MYO10: variants seen among roughly 807,000 people sequenced by gnomAD.
The protein encoded by MYO10 is myosin X.
In MYO10, 133 loss-of-function variants were observed where a neutral mutation model predicts 257.3. The ratio of observed to expected loss-of-function variants is 0.52; its 90% CI spans 0.45 to 0.60. The LOEUF is 0.60. MYO10 is among the 20% of genes least tolerant of loss of function. The pLI, the probability that MYO10 is intolerant of heterozygous loss-of-function variation, is 0.00. For synonymous variants in MYO10, 1,104 were observed against 1,028.6 expected, an observed-to-expected ratio of 1.07 and a Z score of -1.40; for missense variants, 2,399 against 2,635.7, an observed-to-expected ratio of 0.91 and a Z score of 1.97.
At chr5:16,685,701 A>AAAACCCC in intron 29 of MYO10, 37 bp downstream of exon 29, 2 of 1,372,154 alleles carry the variant, frequency 1.5e-6, no homozygotes, top group Non-Finnish European at 2.0e-6. Flanking sequence ...CCCTGCCCCT[A>AAAACCCC]GACGCCCCAC....
intron 1 of MYO10, among the ~76,000 whole-genome samples, chr5:16,928,475 G>A (rs1746198999): frequency 6.6e-6 from 1 of 152,090 alleles, no homozygotes; most frequent in Admixed American, 6.5e-5. Flanking sequence ...TTACAGGCAT[G>A]AGCACATGGC....
At chr5:16,677,864 G>A (rs1476979208) in intron 33 of MYO10, among the ~76,000 whole-genome samples, 4 of 147,998 alleles carry the variant, frequency 2.7e-5, no homozygotes, top group Admixed American at 1.3e-4. Context: ...GGGTTCAAGC[G>A]AGTCTTCTGC....
At chr5:16,719,989 C>CGTGCGTGTGTGT (rs1554039262) in intron 19 of MYO10, among the ~76,000 whole-genome samples, 181 of 143,542 alleles carry the variant, frequency 1.3e-3, no homozygotes, top group African/African-American at 4.5e-3. Flanking sequence ...TGTGTGCGTG[C>CGTGCGTGTGTGT]GTGTGTGTGT....
chr5:16,823,993 T>C (rs1210896245), intron 2 of MYO10, among the ~76,000 whole-genome samples: 1 of 152,092 alleles, frequency 6.6e-6, no homozygotes, highest in Non-Finnish European at 1.5e-5. Flanking sequence ...GAGAACAAAC[T>C]GTTCTGTTCT....
At chr5:16,929,596 G>A (rs1385308542) in intron 1 of MYO10, among the ~76,000 whole-genome samples, 1 of 152,114 alleles carries the variant, frequency 6.6e-6, no homozygotes, top group Non-Finnish European at 1.5e-5. Flanking sequence ...TATGGATTGG[G>A]TATAATTATA....
intron 26 of MYO10, among the ~76,000 whole-genome samples, chr5:16,697,393 G>C (rs574200164): frequency 2.4e-4 from 37 of 152,240 alleles, no homozygotes; most frequent in African/African-American, 6.7e-4. Context: ...AAAGAAAGAA[G>C]GGAAAATGGA....
intron 26 of MYO10, among the ~76,000 whole-genome samples, chr5:16,698,625 T>TTTTTTTG (rs1737875382): frequency 1.5e-5 from 2 of 134,478 alleles, no homozygotes; most frequent in African/African-American, 3.1e-5. Context: ...AACATGCAGT[T>TTTTTTTG]TTTTTTTTTT....
chr5:16,721,992 C>T (rs1739170606), intron 19 of MYO10, among the ~76,000 whole-genome samples: 1 of 152,170 alleles, frequency 6.6e-6, no homozygotes, highest in African/African-American at 2.4e-5. Flanking sequence ...CAAATCCTAC[C>T]TTTTAGTCCA....
intron 2 of MYO10, among the ~76,000 whole-genome samples, chr5:16,867,795 T>A (rs1277646297): frequency 6.6e-6 from 1 of 152,222 alleles, no homozygotes; most frequent in Admixed American, 6.5e-5. Flanking sequence ...AATCCCATGA[T>A]CTTTTAGTGG....
At chr5:16,890,737 G>A (rs1220911222) in intron 1 of MYO10, among the ~76,000 whole-genome samples, 5 of 151,742 alleles carry the variant, frequency 3.3e-5, no homozygotes, top group Non-Finnish European at 7.3e-5. Context: ...CTACTCTGGA[G>A]GCTGAGACAG....
intron 2 of MYO10, among the ~76,000 whole-genome samples, chr5:16,847,065 C>T (rs1284926280): frequency 6.6e-6 from 1 of 152,062 alleles, no homozygotes; most frequent in Non-Finnish European, 1.5e-5. Flanking sequence ...TTGCAGTAAG[C>T]CGAGATTGCA....
intron 21 of MYO10, among the ~76,000 whole-genome samples, chr5:16,709,878 T>C (rs1183045280): frequency 6.9e-6 from 1 of 144,340 alleles, no homozygotes; most frequent in African/African-American, 2.6e-5. Flanking sequence ...CAGTAAAAAA[T>C]TTCCCTAGAG....
At chr5:16,775,031 G>T (rs760034227) in intron 9 of MYO10, among the ~76,000 whole-genome samples, 3 of 152,154 alleles carry the variant, frequency 2.0e-5, no homozygotes, top group Non-Finnish European at 4.4e-5. Context: ...TGGAGTAAAA[G>T]AATAAACAGA....
chr5:16,932,930 G>C (rs1295009090), intron 1 of MYO10, among the ~76,000 whole-genome samples: 2 of 152,112 alleles, frequency 1.3e-5, no homozygotes, highest in Non-Finnish European at 2.9e-5. Flanking sequence ...ACCACACTCA[G>C]CTAAGTTTTG....
intron 19 of MYO10, among the ~76,000 whole-genome samples, chr5:16,751,842 G>A (rs1009162147): frequency 6.6e-6 from 1 of 152,118 alleles, no homozygotes; most frequent in African/African-American, 2.4e-5. Flanking sequence ...CCTATCACTG[G>A]TGCGTTATTA....
chr5:16,877,754 G>T (rs762720992), intron 1 of MYO10, 47 bp from the exon 2 acceptor site: 1 of 1,481,728 alleles, frequency 6.7e-7, no homozygotes, highest in African/African-American at 1.4e-5. Flanking sequence ...ATTGCATTTT[G>T]TGGCGAAACT....
At chr5:16,853,449 A>C (rs1743871317) in intron 2 of MYO10, among the ~76,000 whole-genome samples, 1 of 152,176 alleles carries the variant, frequency 6.6e-6, no homozygotes, top group Admixed American at 6.5e-5. Context: ...ATCTTTAAAG[A>C]TTCCTACACT....
At chr5:16,689,694 CTTGG>C in intron 28 of MYO10, 126 bp downstream of exon 28, 1 of 691,588 alleles carries the variant, frequency 1.4e-6, no homozygotes. Flanking sequence ...TCGTATGACT[CTTGG>C]TTCTTCAAAA....
intron 36 of MYO10, 106 bp downstream of exon 36, chr5:16,673,576 C>T (rs26745): frequency 0.36 from 447,629 of 1,236,932 alleles, 82,627 homozygotes; most frequent in South Asian, 0.44. Flanking sequence ...ACTAAGCAAA[C>T]TGCAACTGTG....
Sources: gnomAD v4.1 joint callset for allele counts (sites outside exome capture counted in the v4.1 genomes callset) on GRCh38, gnomAD v4.1.1 for gene constraint, MANE v1.5 for transcripts, NCBI Gene and HGNC (gene_info 2026-07-23, HGNC 2026-07-21) for gene names.